Variants in PAFAH2 observed in about 807,000 individuals in gnomAD.
The protein encoded by PAFAH2 is platelet-activating factor acetylhydrolase 2, cytoplasmic.
A neutral mutation model predicts 49.0 loss-of-function variants in PAFAH2; 42 were observed. That is an observed-to-expected ratio of 0.86 (90% CI 0.67 to 1.11). PAFAH2 has a LOEUF of 1.11. Ranked by LOEUF, PAFAH2 falls within the 50% of genes least tolerant of loss-of-function variation. PAFAH2 has a pLI of 0.00. For missense variants in PAFAH2, 503 were observed against 501.8 expected (o/e 1.00, Z -0.02); for synonymous variants, 184 against 181.3 (o/e 1.01, Z -0.12).
chr1:25,967,856 G>T (rs940895175), intron 10 of PAFAH2, among the ~76,000 whole-genome samples: 1 of 152,112 alleles, frequency 6.6e-6, no homozygotes, highest in African/African-American at 2.4e-5. Flanking sequence ...AGCAGAGAGG[G>T]AAAAATTGAT....
intron 7 of PAFAH2, among the ~76,000 whole-genome samples, chr1:25,980,354 C>T (rs934797262): frequency 2.6e-5 from 4 of 151,388 alleles, no homozygotes; most frequent in East Asian, 1.9e-4. Flanking sequence ...GACGGAGTCT[C>T]GCCCTGTCAC....
intron 10 of PAFAH2, among the ~76,000 whole-genome samples, chr1:25,968,259 G>T (rs757675339): frequency 6.6e-6 from 1 of 152,076 alleles, no homozygotes; most frequent in Non-Finnish European, 1.5e-5. Context: ...TCTTGTGTTG[G>T]GGGGTTGGCC....
At chr1:25,974,720 A>T (rs893522508) in intron 8 of PAFAH2, 70 bp from the exon 9 acceptor site, 7 of 1,467,544 alleles carry the variant, frequency 4.8e-6, no homozygotes, top group South Asian at 1.3e-5. Context: ...TGGTGGAGGG[A>T]AGGGCGGAGT....
intron 2 of PAFAH2, 21 bp from the exon 3 acceptor site, chr1:25,989,622 G>T: frequency 6.7e-7 from 1 of 1,491,680 alleles, no homozygotes; most frequent in Non-Finnish European, 9.0e-7. Flanking sequence ...GAAGAGAGCA[G>T]CTGCTCAGAG....
In PAFAH2 at chr1:25,961,646, G is replaced by A. The variant is rs2049339325; in HGVS notation, c.*343C>T. 2 of 191,472 alleles carry A rather than the reference G, an allele frequency of 1.0e-5. No individual in the cohort carries two copies. Among genetic ancestry groups the A allele is most frequent in the African/African-American group, 2.3e-5 (1 of 42,672 alleles). 11.9% of individuals were successfully genotyped at this position (191,472 alleles called of 1,614,324 possible). ...CACTGAAGCAGCAGCACTGGCCGGG[G>A]GTAAGGGAATGAGCTTCGCTGGGCT... On this transcript the variant is annotated 3_prime_UTR_variant, in exon 11 of 11. Transcript: ENST00000374282.
In PAFAH2 at chr1:25,986,326, A is replaced by G. The variant is rs530764401; in HGVS notation, c.342-1798T>C. Among the ~76,000 whole-genome samples the G allele has an allele frequency of 8.5e-5, 13 of 152,332 alleles. No homozygotes were observed. The South Asian group carries it at 2.3e-3, about 27-fold the overall frequency. On this transcript the variant is annotated intron_variant, in intron 4 of 10. Coordinates refer to ENST00000374282, the MANE Select transcript of PAFAH2 (RefSeq NM_000437.4). ...AGAAGAGCAGAACGGTGAATAGTCC[A>G]GGCAAAAAGATCAGCCACAAAGCAT...
Position 25,960,480 on chromosome 1 carries a change from A to G in PAFAH2, c.*1509T>C, listed in dbSNP as rs2049324049. 1 of 152,682 alleles carries G rather than the reference A, an allele frequency of 6.5e-6. No homozygotes were observed. The highest frequency in any genetic ancestry group is 1.5e-5 in the Non-Finnish European group (1 of 68,054). 9.5% of individuals were successfully genotyped at this position (152,682 alleles called of 1,614,324 possible). ...GGCCCAAGTAGTAAGCGAACACAGA[A>G]GAAAGACAGAAGGAAGTCAATTCCA... On this transcript the variant is annotated 3_prime_UTR_variant, in exon 11 of 11. Transcript: ENST00000374282.
At chr1:25,990,172 T>A (rs2049851770) in intron 2 of PAFAH2, among the ~76,000 whole-genome samples, 1 of 151,768 alleles carries the variant, frequency 6.6e-6, no homozygotes, top group South Asian at 2.1e-4. Context: ...GAAGCCGAGG[T>A]AGGAGAGTCG....
At chr1:25,979,710 G>A (rs1219666496) in intron 7 of PAFAH2, among the ~76,000 whole-genome samples, 1 of 151,998 alleles carries the variant, frequency 6.6e-6, no homozygotes, top group Non-Finnish European at 1.5e-5. Context: ...GGCTGGTCTC[G>A]AACTCCTGAC....
In PAFAH2 at chr1:25,984,539, A is replaced by G; in HGVS notation, c.342-11T>C. ...GCTGAATACAAAGTCCTGGAGATTCAAAAAGGAACAAGGAAAAGGGATCAA... is the reference window on the plus strand; with the variant it reads ...GCTGAATACAAAGTCCTGGAGATTCGAAAAGGAACAAGGAAAAGGGATCAA... On this transcript the variant is annotated splice_polypyrimidine_tract_variant and intron_variant, in intron 4 of 10. Transcript: ENST00000374282. The G allele has an allele frequency of 1.2e-6, 2 of 1,610,812 alleles. No individual in the cohort carries two copies. The highest frequency in any genetic ancestry group is 4.5e-5 in the East Asian group (2 of 44,854).
intron 1 of PAFAH2, among the ~76,000 whole-genome samples, chr1:25,995,612 C>T (rs975290698): frequency 3.9e-5 from 6 of 152,186 alleles, no homozygotes; most frequent in African/African-American, 9.7e-5. Context: ...CACATTTTCA[C>T]GACTACGATT....
intron 10 of PAFAH2, 138 bp from the exon 11 acceptor site, chr1:25,962,221 T>G: frequency 1.6e-6 from 1 of 628,398 alleles, no homozygotes; most frequent in Non-Finnish European, 2.8e-6. Flanking sequence ...TGGGGTTGTG[T>G]GGTGGTGGCG....
chr1:25,982,467 CGCTGAT>C lies in PAFAH2; in HGVS notation c.557_562del (p.His186_Gln187del). 1 of 1,613,156 alleles carries C rather than the reference CGCTGAT, an allele frequency of 6.2e-7. No individual in the cohort carries two copies. The highest frequency in any genetic ancestry group is 8.5e-7 in the Non-Finnish European group (1 of 1,179,196). On this transcript the variant is annotated inframe_deletion, in exon 7 of 11. Coordinates refer to ENST00000374282, the MANE Select transcript of PAFAH2 (RefSeq NM_000437.4). ...CAACACCCGTAAACACTCGCTTACC[CGCTGAT>C]GCACCTGCAACAGAGACAGTCCCAG...
At chr1:25,972,262 A>AT (rs5773141) in intron 10 of PAFAH2, among the ~76,000 whole-genome samples, 32,907 of 141,064 alleles carry the variant, frequency 0.23, 4,017 homozygotes, top group African/African-American at 0.32. Flanking sequence ...CACCCAGCTA[A>AT]TTTTTTTTTT....
intron 7 of PAFAH2, among the ~76,000 whole-genome samples, chr1:25,977,213 G>A (rs1452239827): frequency 6.0e-5 from 9 of 149,922 alleles, no homozygotes; most frequent in African/African-American, 1.2e-4. Context: ...TAGTAGAGAC[G>A]GGGTCTCGAT....
At chr1:25,975,671 C>A (rs927718564) in intron 8 of PAFAH2, among the ~76,000 whole-genome samples, 1 of 152,136 alleles carries the variant, frequency 6.6e-6, no homozygotes, top group African/African-American at 2.4e-5. Context: ...ATCCTGACTC[C>A]AATCACTTCT....
At chr1:25,989,857 A>G (rs2049848297) in intron 2 of PAFAH2, among the ~76,000 whole-genome samples, 1 of 152,182 alleles carries the variant, frequency 6.6e-6, no homozygotes. Context: ...GGGGCACCAA[A>G]AATATTTGAG....
intron 10 of PAFAH2, among the ~76,000 whole-genome samples, chr1:25,967,978 CAACATGGCAA>C (rs1032145197): frequency 6.6e-6 from 1 of 151,854 alleles, no homozygotes; most frequent in Non-Finnish European, 1.5e-5. Flanking sequence ...CCAGCCTGGC[CAACATGGCAA>C]AACTCCATCT....
intron 4 of PAFAH2, among the ~76,000 whole-genome samples, chr1:25,987,733 T>C (rs972558912): frequency 2.7e-5 from 4 of 147,698 alleles, no homozygotes; most frequent in African/African-American, 1.0e-4. Context: ...AAAAAAAAAT[T>C]TAAAAATAGC....
Sources: gnomAD v4.1 joint callset for allele counts (sites outside exome capture counted in the v4.1 genomes callset) on GRCh38, gnomAD v4.1.1 for gene constraint, MANE v1.5 for transcripts, NCBI Gene and HGNC (gene_info 2026-07-23, HGNC 2026-07-21) for gene names.